HCRTR2: variants seen among roughly 807,000 people sequenced by gnomAD.
HCRTR2 encodes the protein orexin receptor type 2.
HCRTR2 carries 22 observed loss-of-function variants against 49.0 expected under a neutral mutation model. The ratio of observed to expected loss-of-function variants is 0.45; its 90% CI spans 0.32 to 0.64. HCRTR2 has a LOEUF of 0.64. Ranked by LOEUF, HCRTR2 falls within the 30% of genes least tolerant of loss-of-function variation. HCRTR2 has a pLI of 0.04. For missense variants in HCRTR2, 491 were observed against 559.4 expected (o/e 0.88, Z 1.23); for synonymous variants, 236 against 205.3 (o/e 1.15, Z -1.28).
chr6:55,147,351 C>A (rs1007858196), intron 1 of HCRTR2, among the ~76,000 whole-genome samples: 1 of 152,042 alleles, frequency 6.6e-6, no homozygotes, highest in African/African-American at 2.4e-5. Flanking sequence ...TATATGCTAA[C>A]TAATAAATAC....
chr6:55,237,886 A>G (rs2127303490), intron 1 of HCRTR2, among the ~76,000 whole-genome samples: 1 of 152,330 alleles, frequency 6.6e-6, no homozygotes, highest in South Asian at 2.1e-4. Context: ...AACCAGGAGT[A>G]TGTGGTTGAA....
At chr6:55,208,474 A>T (rs150626618) in intron 1 of HCRTR2, among the ~76,000 whole-genome samples, 158 of 152,042 alleles carry the variant, frequency 1.0e-3, no homozygotes, top group Non-Finnish European at 7.6e-4. Flanking sequence ...TCTGGGTGAC[A>T]GAGCGAGACT....
chr6:55,274,244 TATA>T (rs1767030970), intron 4 of HCRTR2, among the ~76,000 whole-genome samples: 1 of 146,192 alleles, frequency 6.8e-6, no homozygotes, highest in Admixed American at 6.9e-5. Flanking sequence ...TTTCAGTATA[TATA>T]TATATATATA....
intron 3 of HCRTR2, 102 bp from the exon 4 acceptor site, chr6:55,263,605 T>A: frequency 1.4e-6 from 1 of 705,450 alleles, no homozygotes; most frequent in Non-Finnish European, 2.6e-6. Context: ...TGAAATCATA[T>A]AAAAGGTAAA....
At chr6:55,225,062 T>C (rs912102206) in intron 1 of HCRTR2, among the ~76,000 whole-genome samples, 3 of 152,192 alleles carry the variant, frequency 2.0e-5, no homozygotes, top group African/African-American at 7.2e-5. Context: ...ATTAGCTCCC[T>C]TTAGCCATTC....
At chr6:55,112,744 C>G in intron 1 of HCRTR2, among the ~76,000 whole-genome samples, 1 of 151,868 alleles carries the variant, frequency 6.6e-6, no homozygotes, top group East Asian at 1.9e-4. Context: ...CAATGCAATT[C>G]CCATCAAAAT....
chr6:55,122,085 T>C (rs1764208601), intron 1 of HCRTR2, among the ~76,000 whole-genome samples: 1 of 152,134 alleles, frequency 6.6e-6, no homozygotes, highest in South Asian at 2.1e-4. Context: ...TGTGAATCCA[T>C]CTGGTCCTGG....
chr6:55,210,973 C>A (rs999619106), intron 1 of HCRTR2, among the ~76,000 whole-genome samples: 1 of 152,090 alleles, frequency 6.6e-6, no homozygotes, highest in African/African-American at 2.4e-5. Flanking sequence ...GATTATAATA[C>A]CATGCTTTTC....
intron 4 of HCRTR2, among the ~76,000 whole-genome samples, chr6:55,271,407 G>C (rs1766970326): frequency 6.6e-6 from 1 of 152,048 alleles, no homozygotes; most frequent in South Asian, 2.1e-4. Context: ...ATGAATCATA[G>C]ATTTATATGT....
At chr6:55,182,329 G>A (rs933608143) in intron 1 of HCRTR2, among the ~76,000 whole-genome samples, 1 of 152,240 alleles carries the variant, frequency 6.6e-6, no homozygotes, top group South Asian at 2.1e-4. Context: ...CATAGCAGCA[G>A]TGAAACGATG....
At chr6:55,133,871 A>G (rs1338848613) in intron 1 of HCRTR2, among the ~76,000 whole-genome samples, 2 of 151,890 alleles carry the variant, frequency 1.3e-5, no homozygotes, top group East Asian at 3.9e-4. Context: ...TTTTATAAAA[A>G]ATTTCTTGAT....
chr6:55,141,340 T>C (rs11756900), intron 1 of HCRTR2, among the ~76,000 whole-genome samples: 47,157 of 151,808 alleles, frequency 0.31, 9,332 homozygotes, highest in East Asian at 0.79. Context: ...CAAGACTCTA[T>C]CTCAAAAGAA....
At chr6:55,208,358 G>A (rs1366406642) in intron 1 of HCRTR2, among the ~76,000 whole-genome samples, 1 of 151,458 alleles carries the variant, frequency 6.6e-6, no homozygotes, top group African/African-American at 2.4e-5. Flanking sequence ...CAGGTGTGGT[G>A]GTGTGTGCCT....
intron 1 of HCRTR2, among the ~76,000 whole-genome samples, chr6:55,142,127 G>T (rs1462972886): frequency 6.6e-6 from 1 of 152,040 alleles, no homozygotes; most frequent in East Asian, 1.9e-4. Context: ...TTATTGAAGA[G>T]AATTAGTTAA....
At chr6:55,270,961 T>C (rs1033392337) in intron 4 of HCRTR2, among the ~76,000 whole-genome samples, 1 of 152,160 alleles carries the variant, frequency 6.6e-6, no homozygotes, top group Non-Finnish European at 1.5e-5. Flanking sequence ...CTTGTTAAAA[T>C]AGAAATAATC....
chr6:55,168,219 C>A (rs1005981060), intron 1 of HCRTR2, among the ~76,000 whole-genome samples: 1 of 152,144 alleles, frequency 6.6e-6, no homozygotes, highest in African/African-American at 2.4e-5. Context: ...GAGATTGATT[C>A]TCTTTGGGGG....
chr6:55,178,168 C>G (rs1765072266), intron 1 of HCRTR2, among the ~76,000 whole-genome samples: 1 of 152,030 alleles, frequency 6.6e-6, no homozygotes, highest in Admixed American at 6.6e-5. Context: ...ACTCCTGATT[C>G]CTTGAATGAC....
At chr6:55,152,131 T>G (rs1366756556) in intron 1 of HCRTR2, among the ~76,000 whole-genome samples, 1 of 151,976 alleles carries the variant, frequency 6.6e-6, no homozygotes, top group East Asian at 1.9e-4. Context: ...CTATTTTTAA[T>G]TATTTGAGGA....
At chr6:55,144,839 C>T (rs997708165) in intron 1 of HCRTR2, among the ~76,000 whole-genome samples, 1 of 152,130 alleles carries the variant, frequency 6.6e-6, no homozygotes, top group Non-Finnish European at 1.5e-5. Flanking sequence ...CTAGACCATG[C>T]TTATCTTGTG....
Sources: gnomAD v4.1 joint callset for allele counts (sites outside exome capture counted in the v4.1 genomes callset) on GRCh38, gnomAD v4.1.1 for gene constraint, MANE v1.5 for transcripts, NCBI Gene and HGNC (gene_info 2026-07-23, HGNC 2026-07-21) for gene names.